Variants in COL5A2 observed in about 807,000 individuals in gnomAD.
COL5A2 encodes the protein collagen alpha-2(V) chain.
Under a neutral mutation model 208.2 loss-of-function variants are expected in COL5A2, and 23 were observed. The ratio of observed to expected loss-of-function variants is 0.11; its 90% CI spans 0.08 to 0.16. The LOEUF (loss-of-function observed/expected upper bound fraction) is 0.16. Among genes scored for constraint, COL5A2 ranks in the 10% least tolerant of loss-of-function variants. The pLI, the probability that COL5A2 is intolerant of heterozygous loss-of-function variation, is 1.00. For synonymous variants in COL5A2, 625 were observed against 628.5 expected, an observed-to-expected ratio of 0.99 and a Z score of 0.08; for missense variants, 1,590 against 1,956.4, an observed-to-expected ratio of 0.81 and a Z score of 3.53.
intron 1 of COL5A2, among the ~76,000 whole-genome samples, chr2:189,225,119 T>C (rs1282640839): frequency 6.6e-6 from 1 of 152,200 alleles, no homozygotes; most frequent in Admixed American, 6.6e-5. Context: ...TTAACCAAGC[T>C]TAATCAAAAC....
At position 189,104,207 on chromosome 2, in the gene COL5A2, G is replaced by A. The variant is rs975021821; in HGVS notation, c.336+57C>T. On this transcript the variant is annotated intron_variant, in intron 3 of 53. Coordinates refer to ENST00000374866, the MANE Select transcript of COL5A2 (RefSeq NM_000393.5). The stretch of plus-strand genomic sequence containing the variant: ...ACGTTTCAGAGCACAGTTCTGTGTG[G>A]ATAGTATTGGATATAAGTCTGCTTA... 80 of 1,218,070 alleles carry A rather than the reference G, an allele frequency of 6.6e-5. No homozygotes were observed. In the East Asian group the frequency reaches 1.9e-3, roughly 29 times the overall value. The allele number at this position is 1,218,070 out of a possible 1,614,324, so 75.5% of individuals were successfully genotyped here.
chr2:189,360,206 G>A, the COL5A2 span, among the ~76,000 whole-genome samples: 5 of 151,902 alleles, frequency 3.3e-5, no homozygotes, highest in African/African-American at 9.7e-5. Context: ...CTGTCTTAAG[G>A]ATATTTGTCA....
chr2:189,046,514 T>C (rs1165558167), intron 45 of COL5A2, among the ~76,000 whole-genome samples: 3 of 152,118 alleles, frequency 2.0e-5, no homozygotes, highest in African/African-American at 4.8e-5. Context: ...TTTACTTGAG[T>C]ATAAAGCTAC....
chr2:189,403,399 A>C, the COL5A2 span, among the ~76,000 whole-genome samples: 1 of 151,986 alleles, frequency 6.6e-6, no homozygotes, highest in South Asian at 2.1e-4. Flanking sequence ...AATACACTTT[A>C]TTTCTTTCTC....
chr2:189,062,041 T>C (rs1263685500), intron 29 of COL5A2, among the ~76,000 whole-genome samples: 3 of 152,138 alleles, frequency 2.0e-5, no homozygotes, highest in Non-Finnish European at 4.4e-5. Flanking sequence ...GCTAACATTT[T>C]AGAAAGATTT....
At chr2:189,415,296 T>G in the COL5A2 span, among the ~76,000 whole-genome samples, 2 of 152,222 alleles carry the variant, frequency 1.3e-5, no homozygotes, top group African/African-American at 4.8e-5. Flanking sequence ...TAATTTTGCT[T>G]TCCTCAATAT....
chr2:189,305,050 A>T, the COL5A2 span, among the ~76,000 whole-genome samples: 1 of 152,344 alleles, frequency 6.6e-6, no homozygotes, highest in Admixed American at 6.5e-5. Context: ...AAAGAAAAAG[A>T]TCAGGAAAAT....
the COL5A2 span, among the ~76,000 whole-genome samples, chr2:189,303,782 T>C: frequency 1.3e-5 from 2 of 152,230 alleles, no homozygotes; most frequent in African/African-American, 4.8e-5. Context: ...TCACTGTTTC[T>C]GTACCTCACT....
rs1064795177 is a variant in COL5A2 at position 189,098,750 on chromosome 2, T to C, written c.379A>G (p.Ile127Val). 11 of 1,613,054 alleles carry C rather than the reference T, an allele frequency of 6.8e-6. No homozygotes were observed. Among genetic ancestry groups the C allele is most frequent in the South Asian group, 2.2e-5 (2 of 91,074 alleles). The change falls in exon 5 of 54, where the codon ATA becomes GTA. Residue 127 changes from isoleucine (I) to valine (V), a missense_variant. Physicochemically the swap from Ile to Val is conservative, Grantham distance 29. Transcript: ENST00000374866. The stretch of plus-strand genomic sequence containing the variant: ...ACTGCCGGTCCTGGACGACCACGTA[T>C]GCCTGTTACCTAAACAATAAACAAG... The part of the protein sequence containing the change: ...EPGLVPVVTG[I>V]RGRPGPAGPP...
intron 1 of COL5A2, among the ~76,000 whole-genome samples, chr2:189,135,992 G>A (rs1687819671): frequency 6.6e-6 from 1 of 152,190 alleles, no homozygotes; most frequent in South Asian, 2.1e-4. Context: ...AGCAGAGAAA[G>A]AGGTCCACCA....
At chr2:189,281,146 T>C in the COL5A2 span, among the ~76,000 whole-genome samples, 1 of 152,156 alleles carries the variant, frequency 6.6e-6, no homozygotes, top group Non-Finnish European at 1.5e-5. Context: ...TCTATGAGAT[T>C]GTCAGAATGG....
chr2:189,290,717 TACACAC>T, the COL5A2 span, among the ~76,000 whole-genome samples: 125 of 136,610 alleles, frequency 9.2e-4, no homozygotes, highest in African/African-American at 1.3e-3. Flanking sequence ...TTTTTGTTAA[TACACAC>T]ACACACACAC....
chr2:189,255,464 T>C, the COL5A2 span, among the ~76,000 whole-genome samples: 1 of 152,190 alleles, frequency 6.6e-6, no homozygotes, highest in Non-Finnish European at 1.5e-5. Context: ...TGGAATTCTT[T>C]TGCTGAAACC....
chr2:189,286,754 T>A, the COL5A2 span, among the ~76,000 whole-genome samples: 1 of 152,184 alleles, frequency 6.6e-6, no homozygotes, highest in Admixed American at 6.5e-5. Flanking sequence ...TTAATTTACT[T>A]CCCAATTCAT....
intron 1 of COL5A2, among the ~76,000 whole-genome samples, chr2:189,170,161 T>C (rs1357984297): frequency 6.6e-6 from 1 of 152,116 alleles, no homozygotes; most frequent in Non-Finnish European, 1.5e-5. Context: ...TCCAATTTGA[T>C]AGATGAAGAA....
upstream of COL5A2, among the ~76,000 whole-genome samples, chr2:189,226,193 A>G (rs73034901): frequency 2.1e-3 from 323 of 152,312 alleles, 2 homozygotes; most frequent in African/African-American, 7.2e-3. Context: ...ATGATAGAGC[A>G]TGATTTGTTA....
At chr2:189,435,252 C>T in the COL5A2 span, among the ~76,000 whole-genome samples, 16 of 152,056 alleles carry the variant, frequency 1.1e-4, no homozygotes, top group East Asian at 1.9e-4. Flanking sequence ...ATACCATTCA[C>T]GACATAGGCA....
intron 11 of COL5A2, 92 bp from the exon 12 acceptor site, chr2:189,084,129 C>G: frequency 2.2e-6 from 2 of 897,910 alleles, no homozygotes; most frequent in South Asian, 2.8e-5. Context: ...ACTAATAAAA[C>G]AGTCTTCTTT....
the COL5A2 span, among the ~76,000 whole-genome samples, chr2:189,365,052 G>C: frequency 6.6e-6 from 1 of 152,070 alleles, no homozygotes; most frequent in Non-Finnish European, 1.5e-5. Context: ...AATATAGAGG[G>C]ATATAAGATA....
Sources: allele counts gnomAD v4.1 joint callset (sites outside exome capture counted in the v4.1 genomes callset), GRCh38; gene constraint gnomAD v4.1.1; transcripts MANE v1.5; gene names NCBI Gene and HGNC (gene_info 2026-07-23, HGNC 2026-07-21).